Variants in BRCA1 observed in about 807,000 individuals in gnomAD.
BRCA1 encodes breast cancer type 1 susceptibility protein.
In BRCA1, 140 loss-of-function variants were observed where a neutral mutation model predicts 173.7. The ratio of observed to expected loss-of-function variants is 0.81; its 90% CI spans 0.70 to 0.93. The LOEUF (loss-of-function observed/expected upper bound fraction) is 0.93. Ranked by LOEUF, BRCA1 falls within the 40% of genes least tolerant of loss-of-function variation. The pLI, the probability that BRCA1 is intolerant of heterozygous loss-of-function variation, is 0.00. For missense variants in BRCA1, 1,983 were observed against 2,172.5 expected (o/e 0.91, Z 1.73); for synonymous variants, 662 against 756.0 (o/e 0.88, Z 2.04).
intron 3 of BRCA1, among the ~76,000 whole-genome samples, chr17:43,112,860 A>G (rs571973705): frequency 1.1e-4 from 16 of 151,618 alleles, no homozygotes; most frequent in African/African-American, 3.4e-4. Context: ...CTGGAGTGCA[A>G]TGGCGCAATC....
Position 43,049,264 on chromosome 17 carries a change from ACT to A in BRCA1, c.5333-72_5333-71del, listed in dbSNP as rs1418295859. 3.6e-6 allele frequency: 5 copies of A among 1,388,128 alleles called. No homozygotes were observed. The highest frequency in any genetic ancestry group is 4.1e-6 in the Non-Finnish European group (4 of 978,608). The allele number at this position is 1,388,128 out of a possible 1,614,324, so 86.0% of individuals were successfully genotyped here. On this transcript the variant is annotated intron_variant, in intron 20 of 22. Coordinates refer to ENST00000357654, the MANE Select transcript of BRCA1 (RefSeq NM_007294.4). ...ACTTAACCCAGGCCCTCTACCCTAC[ACT>A]CTCCGGATGAAGGCTTATAGCAAGA...
intron 14 of BRCA1, 96 bp from the exon 15 acceptor site, chr17:43,071,334 G>C: frequency 1.4e-6 from 2 of 1,413,318 alleles, no homozygotes; most frequent in Non-Finnish European, 9.8e-7. Context: ...AATAAAGTTA[G>C]GTTAAGAGAA....
chr17:43,100,598 TA>T lies in BRCA1; in HGVS notation c.442-719del, dbSNP rs1567807204. On this transcript the variant is annotated intron_variant, in intron 6 of 22. Transcript: ENST00000357654. ...ACATATATATAACATATATATATTATATATATATAACATATATATAACATAT... is the reference window on the plus strand; with the variant it reads ...ACATATATATAACATATATATATTATTATATATAACATATATATAACATAT... 1.4e-4 allele frequency among the ~76,000 whole-genome samples: 12 copies of T among 87,254 alleles called. 3 individuals are homozygous for T. The highest frequency in any genetic ancestry group is 5.2e-4 in the African/African-American group (12 of 23,034). The allele number at this position is 87,254 out of a possible 152,430, so 57.2% of individuals were successfully genotyped here.
intron 12 of BRCA1, among the ~76,000 whole-genome samples, chr17:43,080,125 C>T (rs2052936545): frequency 6.6e-6 from 1 of 152,166 alleles, no homozygotes; most frequent in Non-Finnish European, 1.5e-5. Flanking sequence ...CCTCTTAAAT[C>T]ATTCCCTCAT....
chr17:43,067,756 T>C, intron 15 of BRCA1, 61 bp from the exon 16 acceptor site: 2 of 1,321,666 alleles, frequency 1.5e-6, no homozygotes. Flanking sequence ...CTCAGAATAC[T>C]AGTTATTCCA....
At chr17:43,165,825 T>TGTTA (rs2056263174) in intron 1 of BRCA1, 3 of 151,486 alleles carry the variant, frequency 2.0e-5, no homozygotes, top group African/African-American at 7.3e-5. Flanking sequence ...ACTATATACA[T>TGTTA]GTTACACTGT....
intron 1 of BRCA1, chr17:43,162,526 C>T (rs2056242918): frequency 1.3e-5 from 2 of 152,130 alleles, no homozygotes; most frequent in Non-Finnish European, 1.5e-5. Flanking sequence ...TCCTGGGCTA[C>T]ATACCTTGTA....
Position 43,082,489 on chromosome 17 carries a change from C to T in BRCA1, c.4272G>A (p.Gln1424=), listed in dbSNP as rs398122684. The T allele has an allele frequency of 6.2e-7, 1 of 1,614,170 alleles. No individual in the cohort carries two copies. Among genetic ancestry groups the T allele is most frequent in the South Asian group, 1.1e-5 (1 of 91,084 alleles). The part of the protein sequence containing the change: ...LEAVLEQHGS[Q]PSNSYPSIIS... The stretch of plus-strand genomic sequence containing the variant: ...TGATGGAAGGGTAGCTGTTAGAAGG[C>T]TGGCTCCCATGCTGTTCTAACACAG... Residue 1424 remains glutamine (Q), a synonymous_variant, in exon 12 of 23, where the codon CAG becomes CAA. Transcript: ENST00000357654.
intron 22 of BRCA1, among the ~76,000 whole-genome samples, chr17:43,047,229 A>C (rs2050952037): frequency 6.6e-6 from 1 of 152,010 alleles, no homozygotes; most frequent in Non-Finnish European, 1.5e-5. Context: ...CTTCCCAAGT[A>C]GCTGCGACTA....
chr17:43,113,660 C>T (rs2055138718), intron 3 of BRCA1, among the ~76,000 whole-genome samples: 1 of 152,130 alleles, frequency 6.6e-6, no homozygotes, highest in Non-Finnish European at 1.5e-5. Context: ...AGCCACCGCG[C>T]CCGTCCTCTA....
intron 1 of BRCA1, among the ~76,000 whole-genome samples, chr17:43,146,491 G>A (rs1442487218): frequency 6.6e-6 from 1 of 151,670 alleles, no homozygotes; most frequent in Non-Finnish European, 1.5e-5. Context: ...CGTATTTTTA[G>A]TAGAGACGGG....
chr17:43,103,164 C>T (rs2054566511), intron 6 of BRCA1, among the ~76,000 whole-genome samples: 1 of 152,044 alleles, frequency 6.6e-6, no homozygotes, highest in Admixed American at 6.6e-5. Flanking sequence ...CAAGGAAGGG[C>T]CTATAAGAGC....
intron 3 of BRCA1, among the ~76,000 whole-genome samples, chr17:43,111,691 A>G (rs186283015): frequency 1.4e-3 from 211 of 152,082 alleles, no homozygotes; most frequent in Non-Finnish European, 1.5e-3. Context: ...GCGTGGTGGC[A>G]GGCGTCTGTA....
At chr17:43,132,203 T>G (rs1220689192) in intron 1 of BRCA1, among the ~76,000 whole-genome samples, 1 of 152,180 alleles carries the variant, frequency 6.6e-6, no homozygotes. Context: ...GGCTCTCTGC[T>G]TGGGGCTGAG....
rs587780862 is a variant in BRCA1, at chr17:43,091,829, T to C, written c.3702A>G (p.Val1234=). The change falls in exon 10 of 23, where the codon GTA becomes GTG. Residue 1234 remains valine (V), a synonymous_variant. Transcript: ENST00000357654. ...TAGTAGACTGAGAAGGTATATTGTT[T>C]ACTTTACCAAATAACAAGTGTTGGA... ...PCFQHLLFGK[V]NNIPSQSTRH... 6.2e-7 allele frequency: 1 copy of C among 1,614,236 alleles called. No individual in the cohort carries two copies. The highest frequency in any genetic ancestry group is 8.5e-7 in the Non-Finnish European group (1 of 1,180,034).
chr17:43,062,441 T>C (rs1379646093), intron 18 of BRCA1, among the ~76,000 whole-genome samples: 2 of 152,198 alleles, frequency 1.3e-5, no homozygotes, highest in African/African-American at 4.8e-5. Context: ...TGAACAGTTT[T>C]CTACAAAGGT....
chr17:43,080,779 T>C (rs1444295175), intron 12 of BRCA1, among the ~76,000 whole-genome samples: 1 of 152,024 alleles, frequency 6.6e-6, no homozygotes, highest in Non-Finnish European at 1.5e-5. Flanking sequence ...GCCCTCCAGC[T>C]TGGGCAACAG....
chr17:43,079,542 G>C (rs1014869337), intron 12 of BRCA1: 2 of 972,824 alleles, frequency 2.1e-6, no homozygotes, highest in Non-Finnish European at 3.3e-6. Context: ...CAAGTTAAGG[G>C]CAAGATTCTT....
intron 6 of BRCA1, among the ~76,000 whole-genome samples, chr17:43,100,598 T>TATAAC (rs2054366201): frequency 1.1e-5 from 1 of 87,254 alleles, no homozygotes; most frequent in Non-Finnish European, 2.2e-5. Flanking sequence ...ATATATATTA[T>TATAAC]ATATATATAA....
Sources: allele counts gnomAD v4.1 joint callset (sites outside exome capture counted in the v4.1 genomes callset), GRCh38; gene constraint gnomAD v4.1.1; transcripts MANE v1.5; gene names NCBI Gene and HGNC (gene_info 2026-07-23, HGNC 2026-07-21).